Variants in COL6A3 observed in about 807,000 individuals in gnomAD.
COL6A3 encodes collagen type VI alpha 3 chain, also known as collagen alpha-3(VI) chain.
Under a neutral mutation model 274.1 loss-of-function variants are expected in COL6A3, and 137 were observed. The observed-to-expected ratio is 0.50, with a 90% CI of 0.44 to 0.58. The LOEUF (loss-of-function observed/expected upper bound fraction) is 0.58. Ranked by LOEUF, COL6A3 falls within the 20% of genes least tolerant of loss-of-function variation. The pLI is 0.00. For missense variants in COL6A3, 3,950 were observed against 4,124.9 expected, an observed-to-expected ratio of 0.96 and a Z score of 1.16; for synonymous variants, 1,650 against 1,650.6, an observed-to-expected ratio of 1.00 and a Z score of 0.01.
Position 237,388,890 on chromosome 2 carries a change from C to G in COL6A3, c.710-706G>C, listed in dbSNP as rs150473255. Among the ~76,000 whole-genome samples the G allele has an allele frequency of 2.1e-3, 321 of 152,254 alleles. 2 individuals are homozygous for G. The highest frequency in any genetic ancestry group is 7.4e-3 in the African/African-American group (307 of 41,534). On this transcript the variant is annotated intron_variant, in intron 3 of 43. Coordinates refer to ENST00000295550, the MANE Select transcript of COL6A3 (RefSeq NM_004369.4). The stretch of plus-strand genomic sequence containing the variant: ...AAATGATGTTTAGTTGCATAAAACT[C>G]AAATGCAGGTCTGGGATTGGGCAGG...
At chr2:237,357,435 G>A (rs754959867) in intron 22 of COL6A3, 44 bp from the exon 23 acceptor site, 1 of 1,527,118 alleles carries the variant, frequency 6.5e-7, no homozygotes, top group South Asian at 1.1e-5. Context: ...CTGCAGAGAA[G>A]AATGTCTAGC....
intron 9 of COL6A3, among the ~76,000 whole-genome samples, chr2:237,370,462 C>T (rs1465023804): frequency 6.6e-6 from 1 of 152,070 alleles, no homozygotes; most frequent in Non-Finnish European, 1.5e-5. Context: ...TGGTCTCGAA[C>T]TCCTGGCCTC....
At chr2:237,391,504 C>CTGTTTGTTTGTTTGTTTGTT (rs200150873) in intron 3 of COL6A3, among the ~76,000 whole-genome samples, 1 of 150,050 alleles carries the variant, frequency 6.7e-6, no homozygotes, top group African/African-American at 2.5e-5. Context: ...GTCCCTTTCA[C>CTGTTTGTTTGTTTGTTTGTT]TGTTTGTTTG....
At chr2:237,402,654 GTA>G in intron 1 of COL6A3, among the ~76,000 whole-genome samples, 1 of 152,282 alleles carries the variant, frequency 6.6e-6, no homozygotes, top group Admixed American at 6.5e-5. Context: ...TAAGAAAAGA[GTA>G]TATGTCATGC....
At chr2:237,341,803 T>C (rs994957809) in intron 37 of COL6A3, among the ~76,000 whole-genome samples, 1 of 152,232 alleles carries the variant, frequency 6.6e-6, no homozygotes, top group Non-Finnish European at 1.5e-5. Context: ...TAGATTCTAA[T>C]GTCAAAACTT....
chr2:237,360,178 G>A lies in COL6A3; in HGVS notation c.6211-19C>T. 6.2e-7 allele frequency: 1 copy of A among 1,613,760 alleles called. No homozygotes were observed. Among genetic ancestry groups the A allele is most frequent in the Non-Finnish European group, 8.5e-7 (1 of 1,179,784 alleles). ...GCTCACCCTGTTGTGAGAGACAAAG[G>A]CATTTTGCAAGCTGGAGCCCTTCAT... On this transcript the variant is annotated intron_variant, in intron 16 of 43. Transcript: ENST00000295550.
intron 3 of COL6A3, among the ~76,000 whole-genome samples, chr2:237,391,490 A>C (rs2078285782): frequency 6.6e-6 from 1 of 150,484 alleles, no homozygotes; most frequent in African/African-American, 2.4e-5. Flanking sequence ...CCATTTCTCT[A>C]CTGGTCCCTT....
At position 237,346,581 on chromosome 2, in the gene COL6A3, C is replaced by G; in HGVS notation, c.7030-16G>C. On this transcript the variant is annotated splice_polypyrimidine_tract_variant and intron_variant, in intron 31 of 43. Coordinates refer to ENST00000295550, the MANE Select transcript of COL6A3 (RefSeq NM_004369.4). Reference sequence around the variant, plus strand: ...CCGAATTTCCCTAGAGGGAGCAGAACAAACATTGTTCAACTGTGTCAGAAA... The same window carrying G: ...CCGAATTTCCCTAGAGGGAGCAGAAGAAACATTGTTCAACTGTGTCAGAAA... 6.2e-7 allele frequency: 1 copy of G among 1,610,914 alleles called. No homozygotes were observed. The highest frequency in any genetic ancestry group is 8.5e-7 in the Non-Finnish European group (1 of 1,177,260).
rs1259106259 is a variant in COL6A3, at chr2:237,371,459, G to A, written c.4285+273C>T. On this transcript the variant is annotated intron_variant, in intron 9 of 43. Coordinates refer to ENST00000295550, the MANE Select transcript of COL6A3 (RefSeq NM_004369.4). The surrounding 1 kb of genome is among the most constrained non-coding windows in gnomAD (Gnocchi z 4.3). ...AAAAAATACAAAAAATTAGCCGGGCGTGGTGGTATGAACCTGTAGTCCTAG... is the reference window on the plus strand; with the variant it reads ...AAAAAATACAAAAAATTAGCCGGGCATGGTGGTATGAACCTGTAGTCCTAG... 2.0e-5 allele frequency among the ~76,000 whole-genome samples: 3 copies of A among 152,084 alleles called. No homozygotes were observed. Among genetic ancestry groups the A allele is most frequent in the Non-Finnish European group, 4.4e-5 (3 of 68,032 alleles).
chr2:237,332,076 T>TAG (rs1700267223), intron 42 of COL6A3, among the ~76,000 whole-genome samples: 1 of 7,280 alleles, frequency 1.4e-4, no homozygotes, highest in Non-Finnish European at 2.2e-4. Flanking sequence ...TCTACATATA[T>TAG]ATATATATAT....
Position 237,396,722 on chromosome 2 carries a change from C to G in COL6A3, c.91+5G>C. The G allele has an allele frequency of 6.2e-7, 1 of 1,614,090 alleles. No individual in the cohort carries two copies. Among genetic ancestry groups the G allele is most frequent in the South Asian group, 1.1e-5 (1 of 91,076 alleles). Reference sequence around the variant, plus strand: ...TACAAAATCAAGGACGTTTCTGGCTCTTACCTGCTTGCTGCTGCTGGGCAT... The same window carrying G: ...TACAAAATCAAGGACGTTTCTGGCTGTTACCTGCTTGCTGCTGCTGGGCAT... On this transcript the variant is annotated splice_donor_5th_base_variant and intron_variant, in intron 2 of 43. Transcript: ENST00000295550.
Position 237,381,439 on chromosome 2 carries a change from A to C in COL6A3, c.1373T>G (p.Leu458Arg). The C allele has an allele frequency of 6.2e-7, 1 of 1,611,452 alleles. No homozygotes were observed. Among genetic ancestry groups the C allele is most frequent in the Non-Finnish European group, 8.5e-7 (1 of 1,180,018 alleles). ...FLVDGSSALGLANFNAIRDFI... is the reference protein window; with the variant it reads ...FLVDGSSALGRANFNAIRDFI... The stretch of plus-strand genomic sequence containing the variant: ...GTCTCGGATGGCATTGAAGTTGGCC[A>C]GTCCCAGTGCAGATGAGCCATCCAC... Residue 458 changes from leucine (L) to arginine (R), a missense_variant, in exon 5 of 44, where the codon CTG (leucine) becomes CGG (arginine). Physicochemically the swap from Leu to Arg is moderately radical, Grantham distance 102. This residue lies in a region of COL6A3 where 1,934 missense variants were observed against 1,984.3 expected (regional missense o/e 0.97). Coordinates refer to ENST00000295550, the MANE Select transcript of COL6A3 (RefSeq NM_004369.4).
Position 237,340,720 on chromosome 2 carries a change from G to C in COL6A3, c.8196C>G (p.Asn2732Lys), listed in dbSNP as rs1354287830. ...GGACCACAATTTTCAGGTCCCGTGGGTTTGGGGCACTTTCAAAGACATTCT... is the reference window on the plus strand; with the variant it reads ...GGACCACAATTTTCAGGTCCCGTGGCTTTGGGGCACTTTCAAAGACATTCT... ...TIENVFESAP[N>K]PRDLKIVVLM... Residue 2732 changes from asparagine (N) to lysine (K), a missense_variant, in exon 38 of 44, where the codon AAC (asparagine) becomes AAG (lysine). Physicochemically the swap from Asn to Lys is moderately conservative, Grantham distance 94. Around this residue, in one of 5 missense-constraint regions of COL6A3, gnomAD observed 1,284 missense variants for 1,349.7 expected, o/e 0.95. Coordinates refer to ENST00000295550, the MANE Select transcript of COL6A3 (RefSeq NM_004369.4). 4 of 1,614,068 alleles carry C rather than the reference G, an allele frequency of 2.5e-6. No individual in the cohort carries two copies. The African/African-American group carries it at 5.3e-5, about 22-fold the overall frequency.
At chr2:237,370,308 G>A (rs951776305) in intron 9 of COL6A3, among the ~76,000 whole-genome samples, 20 of 150,366 alleles carry the variant, frequency 1.3e-4, no homozygotes, top group Non-Finnish European at 1.6e-4. Context: ...GCGCAATCTC[G>A]GCTCACTGCA....
Position 237,368,783 on chromosome 2 carries a change from G to A in COL6A3, c.4680C>T (p.Ala1560=), listed in dbSNP as rs1437768143. 1.2e-6 allele frequency: 2 copies of A among 1,614,164 alleles called. No homozygotes were observed. Among genetic ancestry groups the A allele is most frequent in the South Asian group, 1.1e-5 (1 of 91,070 alleles). ...CAATGCCCGAGGAACGGATCACCTG[G>A]GCGAACCTGGACACATCGTCCTGGG... ...GKSQDDVSRF[A]QVIRSSGIVS... The change falls in exon 10 of 44, where the codon GCC becomes GCT. Residue 1560 remains alanine, a synonymous_variant. Coordinates refer to ENST00000295550, the MANE Select transcript of COL6A3 (RefSeq NM_004369.4). The surrounding 1 kb of genome is among the most constrained non-coding windows in gnomAD (Gnocchi z 4.4).
chr2:237,377,424 G>T, intron 6 of COL6A3, 80 bp from the exon 7 acceptor site: 1 of 1,403,260 alleles, frequency 7.1e-7, no homozygotes, highest in Non-Finnish European at 9.9e-7. Context: ...AGCACCATTT[G>T]ACAACAGGAG....
chr2:237,339,061 C>T lies in COL6A3; in HGVS notation c.8521G>A (p.Gly2841Arg). ...DIRKQCDWFQGDQPTKNLVKF... is the reference protein window; with the variant it reads ...DIRKQCDWFQRDQPTKNLVKF... ...ACAAGGTTCTTTGTGGGTTGGTCCC[C>T]TTGGAACCAATCACACTGTTTCCTG... Residue 2841 changes from glycine to arginine, a missense_variant, in exon 39 of 44, where the codon GGG becomes AGG. Gly to Arg is a moderately radical substitution (Grantham distance 125). Around this residue, in one of 5 missense-constraint regions of COL6A3, gnomAD observed 1,284 missense variants for 1,349.7 expected, o/e 0.95. Coordinates refer to ENST00000295550, the MANE Select transcript of COL6A3 (RefSeq NM_004369.4). 2 of 1,614,096 alleles carry T rather than the reference C, an allele frequency of 1.2e-6. No individual in the cohort carries two copies. The highest frequency in any genetic ancestry group is 1.7e-6 in the Non-Finnish European group (2 of 1,179,998).
chr2:237,366,540 G>T, intron 11 of COL6A3, 147 bp downstream of exon 11: 2 of 1,173,076 alleles, frequency 1.7e-6, no homozygotes, highest in African/African-American at 3.0e-5. Context: ...TGAGGTGGGT[G>T]TCAGGACCAG....
At chr2:237,346,659 C>T (rs553247373) in intron 31 of COL6A3, 94 bp from the exon 32 acceptor site, 2 of 1,082,366 alleles carry the variant, frequency 1.8e-6, no homozygotes, top group Non-Finnish European at 2.8e-6. Context: ...GTGATCTAAC[C>T]CAAGGGACTC....
Sources: gnomAD v4.1 joint callset for allele counts (sites outside exome capture counted in the v4.1 genomes callset) on GRCh38, gnomAD v4.1.1 for gene constraint, gnomAD v4.1.1 regional missense constraint, Gnocchi (gnomAD v3.1) non-coding constraint, MANE v1.5 for transcripts, NCBI Gene and HGNC (gene_info 2026-07-23, HGNC 2026-07-21) for gene names.